The following WDR83 variants were observed in gnomAD, a reference collection of about 807,000 sequenced individuals.
WDR83 encodes WD repeat domain 83.
Under a neutral mutation model 37.7 loss-of-function variants are expected in WDR83, and 37 were observed. The observed-to-expected ratio is 0.98, with a 90% CI of 0.76 to 1.29. WDR83 has a LOEUF of 1.29. Among genes scored for constraint, WDR83 ranks in the 50% most tolerant of loss-of-function variants. The pLI, the probability that WDR83 is intolerant of heterozygous loss-of-function variation, is 0.00. For missense variants in WDR83, 445 were observed against 414.4 expected (o/e 1.07, Z -0.64); for synonymous variants, 174 against 181.1 (o/e 0.96, Z 0.31).
intron 2 of WDR83, chr19:12,668,990 C>G (rs1460337032): frequency 2.3e-6 from 2 of 855,726 alleles, no homozygotes; most frequent in Admixed American, 4.2e-5. Flanking sequence ...CTCGGCCCAG[C>G]GTCATCGCAG....
chr19:12,670,097 G>A lies in WDR83; in HGVS notation c.224G>A (p.Gly75Asp), dbSNP rs760414390. The A allele has an allele frequency of 1.2e-6, 2 of 1,609,712 alleles. No homozygotes were observed. Among genetic ancestry groups the A allele is most frequent in the African/African-American group, 2.7e-5 (2 of 74,912 alleles). Reference sequence around the variant, plus strand: ...GGCTACGAGGTGCTGGATGCGGCCGGGTGAGCCGGGGACCAGGCTGGGATG... The same window carrying A: ...GGCTACGAGGTGCTGGATGCGGCCGAGTGAGCCGGGGACCAGGCTGGGATG... ...GHGYEVLDAA[G>D]SFDNSSLCSG... Residue 75 changes from glycine (G) to aspartate (D), a missense_variant and splice_region_variant, in exon 4 of 11, where the codon GGC becomes GAC. Gly to Asp is a moderately conservative substitution (Grantham distance 94). Coordinates refer to ENST00000418543, the MANE Select transcript of WDR83 (RefSeq NM_001099737.3).
chr19:12,669,096 A>T (rs780132258), intron 2 of WDR83: 1 of 1,607,870 alleles, frequency 6.2e-7, no homozygotes. Flanking sequence ...TCTCAGGTCC[A>T]ACTACACCCA....
At position 12,675,704 on chromosome 19, in the gene WDR83, C is replaced by T. The variant is rs756634410; in HGVS notation, c.*32C>T. 13 of 1,596,216 alleles carry T rather than the reference C, an allele frequency of 8.1e-6. No individual in the cohort carries two copies. In the Admixed American group the frequency reaches 1.7e-4, roughly 21 times the overall value. ...GGGACCCACCAACAGGACCAAGGAC[C>T]GAGACACAGACATGGAAGGACTTCA... On this transcript the variant is annotated 3_prime_UTR_variant, in exon 11 of 11. Coordinates refer to ENST00000418543, the MANE Select transcript of WDR83 (RefSeq NM_001099737.3).
At chr19:12,670,383 T>C (rs909795498) in intron 5 of WDR83, 98 bp downstream of exon 5, 5 of 1,513,354 alleles carry the variant, frequency 3.3e-6, no homozygotes, top group Non-Finnish European at 4.5e-6. Flanking sequence ...AAGGATCCCT[T>C]CCCCAGATGA....
chr19:12,674,910 T>C lies in WDR83; in HGVS notation c.799-613T>C, dbSNP rs534045632. ...GGGGGTGGATCACGAGGTCAGGAGA[T>C]AGAGATCATCCTGGCCAACATGGTG... On this transcript the variant is annotated intron_variant, in intron 10 of 10. Transcript: ENST00000418543. Among the ~76,000 whole-genome samples the C allele has an allele frequency of 1.0e-4, 15 of 147,516 alleles. No individual in the cohort carries two copies. The South Asian group carries it at 3.2e-3, about 32-fold the overall frequency.
Position 12,675,808 on chromosome 19 carries a change from G to T in WDR83, c.*136G>T. 3 of 1,569,388 alleles carry T rather than the reference G, an allele frequency of 1.9e-6. No homozygotes were observed. The highest frequency in any genetic ancestry group is 1.2e-5 in the South Asian group (1 of 85,748). ...GTCTGCAAATTAATAAATAGAAGAG[G>T]GGGTAAGACCTTCCTGGGACCGCAG... On this transcript the variant is annotated 3_prime_UTR_variant, in exon 11 of 11. Transcript: ENST00000418543.
chr19:12,672,746 G>C, intron 7 of WDR83, 101 bp from the exon 8 acceptor site: 1 of 1,215,436 alleles, frequency 8.2e-7, no homozygotes, highest in African/African-American at 1.5e-5. Flanking sequence ...TTCCACTCCT[G>C]TGCACTGGAA....
chr19:12,668,131 G>A, intron 1 of WDR83: 1 of 543,262 alleles, frequency 1.8e-6, no homozygotes, highest in South Asian at 2.1e-5. Flanking sequence ...AATACCCCTA[G>A]AAACATGGAC....
chr19:12,675,388 A>G (rs1312722562), intron 10 of WDR83, 135 bp from the exon 11 acceptor site: 1 of 1,259,814 alleles, frequency 7.9e-7, no homozygotes. Flanking sequence ...GGAGGCAATT[A>G]GAGGCAGGTG....
intron 6 of WDR83, 36 bp downstream of exon 6, chr19:12,670,647 C>G (rs1477607172): frequency 1.2e-6 from 2 of 1,614,110 alleles, no homozygotes; most frequent in Non-Finnish European, 1.7e-6. Flanking sequence ...GCCCAGGGTG[C>G]TGCCCTCCCC....
chr19:12,670,370 C>T, intron 5 of WDR83, 85 bp downstream of exon 5: 1 of 1,525,638 alleles, frequency 6.6e-7, no homozygotes, highest in Non-Finnish European at 9.0e-7. Flanking sequence ...CCCATTACAC[C>T]GTAAGGATCC....
intron 10 of WDR83, among the ~76,000 whole-genome samples, chr19:12,674,431 AGAG>A: frequency 6.6e-6 from 1 of 151,994 alleles, no homozygotes; most frequent in East Asian, 1.9e-4. Flanking sequence ...AAGGCCCATA[AGAG>A]GATGGAGGGA....
At chr19:12,675,460 G>A in intron 10 of WDR83, 63 bp from the exon 11 acceptor site, 1 of 1,566,502 alleles carries the variant, frequency 6.4e-7, no homozygotes, top group Non-Finnish European at 8.6e-7. Flanking sequence ...GGGTGCCCAG[G>A]GACCTCAGAA....
In WDR83 at chr19:12,672,881, A is replaced by C. The variant is rs1180005409; in HGVS notation, c.541A>C (p.Arg181=). ...TGGCCGCGTGAGACGCTATGACCTAAGGATGGGGCAGCTCTTCTCAGACTA... is the reference window on the plus strand; with the variant it reads ...TGGCCGCGTGAGACGCTATGACCTACGGATGGGGCAGCTCTTCTCAGACTA... ...VDGRVRRYDL[R]MGQLFSDYVG... Residue 181 remains arginine (R), a synonymous_variant, in exon 8 of 11, where the codon AGG becomes CGG. Coordinates refer to ENST00000418543, the MANE Select transcript of WDR83 (RefSeq NM_001099737.3). 1 of 1,596,150 alleles carries C rather than the reference A, an allele frequency of 6.3e-7. No individual in the cohort carries two copies. The highest frequency in any genetic ancestry group is 2.3e-5 in the East Asian group (1 of 44,216).
intron 2 of WDR83, chr19:12,669,107 T>A: frequency 6.2e-7 from 1 of 1,611,878 alleles, no homozygotes; most frequent in Non-Finnish European, 8.5e-7. Flanking sequence ...ACTACACCCA[T>A]AGAAGCTCAA....
intron 7 of WDR83, among the ~76,000 whole-genome samples, chr19:12,671,784 A>C (rs1249978186): frequency 6.6e-6 from 1 of 152,004 alleles, no homozygotes; most frequent in Non-Finnish European, 1.5e-5. Context: ...TGCAACCTCT[A>C]ACTTCTAGGT....
chr19:12,672,965 AG>A, intron 8 of WDR83, 42 bp from the exon 9 acceptor site: 1 of 1,598,010 alleles, frequency 6.3e-7, no homozygotes, highest in Non-Finnish European at 8.5e-7. Context: ...GGGGCCAACC[AG>A]GGGCACCCCA....
At chr19:12,674,659 G>A (rs936350915) in intron 10 of WDR83, among the ~76,000 whole-genome samples, 2 of 152,160 alleles carry the variant, frequency 1.3e-5, no homozygotes, top group Admixed American at 6.6e-5. Context: ...GGATCATTGG[G>A]GCTGCCAAAT....
chr19:12,668,455 A>G (rs2024316937), intron 1 of WDR83, 53 bp from the exon 2 acceptor site: 3 of 1,613,160 alleles, frequency 1.9e-6, no homozygotes, highest in East Asian at 2.2e-5. Context: ...TCAGTCTAGG[A>G]TGGCCAGGCT....
Sources: allele counts gnomAD v4.1 joint callset (sites outside exome capture counted in the v4.1 genomes callset), GRCh38; gene constraint gnomAD v4.1.1; transcripts MANE v1.5; gene names NCBI Gene and HGNC (gene_info 2026-07-23, HGNC 2026-07-21).